The following TEKTL1 variants were observed in gnomAD, a reference collection of about 807,000 sequenced individuals.
TEKTL1 encodes the protein tektin like 1.
chr19:15,013,600 A>G, the TEKTL1 span: 1 of 1,178,510 alleles, frequency 8.5e-7, no homozygotes. Flanking sequence ...CAAACCCTCT[A>G]CCACCCTGGA....
At chr19:15,018,449 C>T in the TEKTL1 span, among the ~76,000 whole-genome samples, 1 of 151,692 alleles carries the variant, frequency 6.6e-6, no homozygotes, top group Non-Finnish European at 1.5e-5. Flanking sequence ...CAGCTCGCGC[C>T]TGTAATTCCA....
At chr19:15,013,124 A>C in the TEKTL1 span, among the ~76,000 whole-genome samples, 5 of 152,032 alleles carry the variant, frequency 3.3e-5, no homozygotes, top group African/African-American at 1.2e-4. Context: ...TCCTGGTGAA[A>C]TCTTCCCCTT....
the TEKTL1 span, chr19:15,011,067 GC>G: frequency 6.3e-7 from 1 of 1,575,764 alleles, no homozygotes; most frequent in Non-Finnish European, 8.6e-7. Flanking sequence ...ATCAAAGGCG[GC>G]GGCACCTTGG....
chr19:15,021,885 G>A, the TEKTL1 span: 12 of 1,613,922 alleles, frequency 7.4e-6, no homozygotes, highest in Non-Finnish European at 1.0e-5. Flanking sequence ...AGACACGTGG[G>A]CACCCAACTC....
At chr19:15,014,987 G>A in the TEKTL1 span, among the ~76,000 whole-genome samples, 47 of 152,126 alleles carry the variant, frequency 3.1e-4, no homozygotes, top group African/African-American at 9.2e-4. Flanking sequence ...AGAAGTTCAA[G>A]ACCAGTCTGA....
At chr19:15,013,870 G>A in the TEKTL1 span, 1 of 738,300 alleles carries the variant, frequency 1.4e-6, no homozygotes, top group East Asian at 2.7e-5. Flanking sequence ...TGTCACAATA[G>A]CAATTCCTTC....
At chr19:15,010,974 A>G in the TEKTL1 span, 1 of 1,593,870 alleles carries the variant, frequency 6.3e-7, no homozygotes, top group Non-Finnish European at 8.5e-7. Context: ...TGGCAGCCCA[A>G]GGACAGCGTG....
At chr19:15,014,747 C>T in the TEKTL1 span, among the ~76,000 whole-genome samples, 1 of 133,416 alleles carries the variant, frequency 7.5e-6, no homozygotes, top group African/African-American at 3.2e-5. Context: ...GCGGGGGCTG[C>T]TGAAACGCTG....
the TEKTL1 span, chr19:15,020,681 T>C: frequency 6.3e-7 from 1 of 1,590,846 alleles, no homozygotes; most frequent in Non-Finnish European, 8.6e-7. Flanking sequence ...CTGTACTGGG[T>C]CGTATTGGTG....
chr19:15,018,965 T>C, the TEKTL1 span, among the ~76,000 whole-genome samples: 2 of 151,860 alleles, frequency 1.3e-5, no homozygotes, highest in African/African-American at 4.8e-5. Flanking sequence ...TGTTTTTGTT[T>C]TGAGACAGGA....
chr19:15,016,595 T>C, the TEKTL1 span, among the ~76,000 whole-genome samples: 4 of 152,246 alleles, frequency 2.6e-5, no homozygotes, highest in Non-Finnish European at 4.4e-5. Context: ...TTTTTAAGTC[T>C]GCTTTTTAAC....
At chr19:15,021,711 G>T in the TEKTL1 span, 2 of 1,614,018 alleles carry the variant, frequency 1.2e-6, no homozygotes, top group Non-Finnish European at 1.7e-6. Context: ...GTCTCATCAA[G>T]GTACGGTTCG....
At chr19:15,020,012 CAAA>C in the TEKTL1 span, among the ~76,000 whole-genome samples, 121 of 136,578 alleles carry the variant, frequency 8.9e-4, no homozygotes, top group Non-Finnish European at 1.5e-3. Flanking sequence ...TTACCAGTAT[CAAA>C]AAAAAAAAAA....
the TEKTL1 span, among the ~76,000 whole-genome samples, chr19:15,012,301 T>C: frequency 2.0e-5 from 3 of 150,718 alleles, no homozygotes; most frequent in Non-Finnish European, 4.4e-5. Flanking sequence ...TGGTAGTTTG[T>C]GCTTGTAATC....
the TEKTL1 span, chr19:15,021,578 G>T: frequency 6.2e-7 from 1 of 1,613,370 alleles, no homozygotes. Flanking sequence ...ACGCGGACTG[G>T]GAGCCAGCGT....
At chr19:15,022,869 AG>A in the TEKTL1 span, 2 of 1,586,216 alleles carry the variant, frequency 1.3e-6, no homozygotes, top group Non-Finnish European at 1.7e-6. Flanking sequence ...CTCCCTATCC[AG>A]GGCACCGACA....
At chr19:15,022,121 T>G in the TEKTL1 span, among the ~76,000 whole-genome samples, 16 of 151,880 alleles carry the variant, frequency 1.1e-4, no homozygotes, top group Non-Finnish European at 1.9e-4. Flanking sequence ...CTGGCTCAAA[T>G]AAGTCCCCTC....
the TEKTL1 span, chr19:15,022,722 G>GA: frequency 1.9e-6 from 1 of 522,860 alleles, no homozygotes; most frequent in Non-Finnish European, 3.1e-6. Context: ...CCCTGTCGCG[G>GA]TTTTTTTTTT....
chr19:15,021,530 TA>T, the TEKTL1 span: 1 of 1,613,712 alleles, frequency 6.2e-7, no homozygotes, highest in Non-Finnish European at 8.5e-7. Context: ...GTGAGCGCAT[TA>T]CCTGCGGCTG....
Sources: gnomAD v4.1 joint callset for allele counts (sites outside exome capture counted in the v4.1 genomes callset) on GRCh38, gnomAD v4.1.1 for gene constraint, MANE v1.5 for transcripts, NCBI Gene and HGNC (gene_info 2026-07-23, HGNC 2026-07-21) for gene names.